DHX8: variants seen among roughly 807,000 people sequenced by gnomAD.
The protein encoded by DHX8 is DEAH-box helicase 8.
In DHX8, 67 loss-of-function variants were observed where a neutral mutation model predicts 140.7. The ratio of observed to expected loss-of-function variants is 0.48; its 90% CI spans 0.39 to 0.58. The LOEUF (loss-of-function observed/expected upper bound fraction) is 0.58, where lower values mean the gene tolerates loss of function less well. Ranked by LOEUF, DHX8 falls within the 20% of genes least tolerant of loss-of-function variation. The pLI, the probability that DHX8 is intolerant of heterozygous loss-of-function variation, is 0.00. For synonymous variants in DHX8, 533 were observed against 553.2 expected (o/e 0.96, Z 0.51); for missense variants, 887 against 1,550.7 (o/e 0.57, Z 7.19).
Position 43,504,563 on chromosome 17 carries a change from C to G in DHX8, c.1547-81C>G, listed in dbSNP as rs1969386109. On this transcript the variant is annotated intron_variant, in intron 11 of 22. Coordinates refer to ENST00000262415, the MANE Select transcript of DHX8 (RefSeq NM_004941.3). ...GAATTGAGATGCTGCATGTGCAGTG[C>G]CCGCATGCCATTTTATTTTTTTCCT... is the stretch of plus-strand genomic sequence containing the variant. The G allele has an allele frequency of 2.9e-6, 4 of 1,393,276 alleles. No homozygotes were observed. In the South Asian group the frequency reaches 5.5e-5, roughly 19 times the overall value. The allele number at this position is 1,393,276 out of a possible 1,614,324, so 86.3% of individuals were successfully genotyped here.
chr17:43,484,321 G>T (rs925160420), intron 1 of DHX8, 136 bp downstream of exon 1: 3 of 1,071,030 alleles, frequency 2.8e-6, no homozygotes, highest in Non-Finnish European at 4.1e-6. Flanking sequence ...AGACACCGGT[G>T]CCCAGGGTAC....
intron 6 of DHX8, 51 bp from the exon 7 acceptor site, chr17:43,493,394 G>C (rs771713143): frequency 6.3e-7 from 1 of 1,596,212 alleles, no homozygotes; most frequent in Non-Finnish European, 8.6e-7. Flanking sequence ...GAAATTGGTT[G>C]GGGGAAAAAT....
At chr17:43,529,693 TAGG>T (rs1970787847), downstream of DHX8, 4 of 1,600,362 alleles carry the variant, frequency 2.5e-6, no homozygotes, top group Non-Finnish European at 2.6e-6. Flanking sequence ...AACACGAAAA[TAGG>T]AGGTGTGGGG....
rs748849985 is a variant in DHX8 at position 43,507,617 on chromosome 17, G to A, written c.2038G>A (p.Ala680Thr). 31 of 1,614,010 alleles carry A rather than the reference G, an allele frequency of 1.9e-5. No individual in the cohort carries two copies. Among genetic ancestry groups the A allele is most frequent in the African/African-American group, 6.7e-5 (5 of 74,894 alleles). Residue 680 changes from alanine to threonine, a missense_variant, in exon 14 of 23, where the codon GCG (alanine) becomes ACG (threonine). Coordinates refer to ENST00000262415, the MANE Select transcript of DHX8 (RefSeq NM_004941.3). ...GATTGACCCTGACCTCACTCAGTAC[G>A]CGATCATCATGTTGGACGAGGCACA... ...CLIDPDLTQY[A>T]IIMLDEAHER...
chr17:43,542,709 C>T (rs1447567632), intron 3 of DHX8, among the ~76,000 whole-genome samples: 1 of 152,186 alleles, frequency 6.6e-6, no homozygotes, highest in African/African-American at 2.4e-5. Context: ...ACTGAACCTG[C>T]AACCACACTG....
chr17:43,519,867 G>T (rs1224582074), intron 18 of DHX8: 8 of 312,360 alleles, frequency 2.6e-5, no homozygotes, highest in African/African-American at 1.5e-4. Flanking sequence ...CTTGAACGTA[G>T]GAGGTGGAGG....
chr17:43,522,432 G>GA (rs372876175), intron 22 of DHX8, among the ~76,000 whole-genome samples: 9 of 149,616 alleles, frequency 6.0e-5, no homozygotes, highest in African/African-American at 1.2e-4. Flanking sequence ...AGACCTAGTT[G>GA]AAAAAAAAAA....
At chr17:43,532,049 G>T (rs1036756229) in intron 2 of DHX8, among the ~76,000 whole-genome samples, 1 of 152,132 alleles carries the variant, frequency 6.6e-6, no homozygotes, top group Non-Finnish European at 1.5e-5. Context: ...AAATAGACAC[G>T]AGGTCTCACT....
At chr17:43,484,290 G>A (rs566302609) in intron 1 of DHX8, 105 bp downstream of exon 1, 1 of 1,327,878 alleles carries the variant, frequency 7.5e-7, no homozygotes, top group Admixed American at 1.9e-5. Context: ...ATGTTCGTGT[G>A]AATCTGTCTC....
At chr17:43,523,062 CAAA>C (rs5820498) in intron 22 of DHX8, among the ~76,000 whole-genome samples, 13 of 102,710 alleles carry the variant, frequency 1.3e-4, no homozygotes, top group Admixed American at 2.1e-4. Context: ...GACTCCGTCC[CAAA>C]AAAAAAAAAA....
chr17:43,536,001 C>G (rs1282771348), intron 2 of DHX8, among the ~76,000 whole-genome samples: 1 of 152,196 alleles, frequency 6.6e-6, no homozygotes, highest in Non-Finnish European at 1.5e-5. Context: ...ATCCCAGCTA[C>G]TCTGGAAGCT....
At chr17:43,486,964 C>T (rs1168240414) in intron 1 of DHX8, among the ~76,000 whole-genome samples, 1 of 151,964 alleles carries the variant, frequency 6.6e-6, no homozygotes, top group Non-Finnish European at 1.5e-5. Flanking sequence ...GCATGACATG[C>T]CTAGCACCAT....
chr17:43,511,114 G>T (rs1969799980), intron 16 of DHX8, among the ~76,000 whole-genome samples: 1 of 152,114 alleles, frequency 6.6e-6, no homozygotes, highest in South Asian at 2.1e-4. Context: ...TGGATCACCT[G>T]AGGTCAGGAG....
chr17:43,484,278 G>C, intron 1 of DHX8, 93 bp downstream of exon 1: 1 of 1,387,424 alleles, frequency 7.2e-7, no homozygotes, highest in Non-Finnish European at 1.0e-6. Context: ...TGGACCGAAA[G>C]TATGTTCGTG....
chr17:43,520,299 G>T, intron 19 of DHX8, 32 bp downstream of exon 19: 1 of 1,608,122 alleles, frequency 6.2e-7, no homozygotes, highest in South Asian at 1.1e-5. Flanking sequence ...CTGTGCTTTT[G>T]GGAAGATTCC....
At chr17:43,533,026 G>A (rs774389731) in intron 2 of DHX8, 2 of 1,508,846 alleles carry the variant, frequency 1.3e-6, no homozygotes, top group Admixed American at 4.4e-5. Flanking sequence ...TTTAGAGTGG[G>A]CTCCGGAATG....
At chr17:43,504,988 T>A (rs1002436576) in intron 12 of DHX8, among the ~76,000 whole-genome samples, 163 bp downstream of exon 12, 2 of 152,140 alleles carry the variant, frequency 1.3e-5, no homozygotes, top group African/African-American at 2.4e-5. Flanking sequence ...ACTTTTTTTT[T>A]AAATGGGGCT....
At chr17:43,528,407 A>G, downstream of DHX8, 1 of 721,278 alleles carries the variant, frequency 1.4e-6, no homozygotes, top group Non-Finnish European at 2.3e-6. Context: ...GACAGTGGGG[A>G]TCTGCCCCAG....
chr17:43,534,079 G>A, intron 2 of DHX8: 1 of 1,313,124 alleles, frequency 7.6e-7, no homozygotes, highest in Non-Finnish European at 9.8e-7. Context: ...GGACCAGCTG[G>A]GTGACTGGTA....
Sources: allele counts gnomAD v4.1 joint callset (sites outside exome capture counted in the v4.1 genomes callset), GRCh38; gene constraint gnomAD v4.1.1; transcripts MANE v1.5; gene names NCBI Gene and HGNC (gene_info 2026-07-23, HGNC 2026-07-21).